Variants in SGK2 observed in about 807,000 individuals in gnomAD.
The protein encoded by SGK2 is serine/threonine-protein kinase Sgk2.
Under a neutral mutation model 47.5 loss-of-function variants are expected in SGK2, and 36 were observed. The observed-to-expected ratio is 0.76, with a 90% CI of 0.58 to 1.00. The LOEUF is 1.00. SGK2 is among the 50% of genes least tolerant of loss of function. The pLI is 0.00. For missense variants in SGK2, 404 were observed against 467.4 expected (o/e 0.86, Z 1.25); for synonymous variants, 157 against 181.9 (o/e 0.86, Z 1.10).
chr20:43,564,712 G>T (rs1026472707), intron 1 of SGK2: 1 of 152,466 alleles, frequency 6.6e-6, no homozygotes, highest in African/African-American at 2.4e-5. Context: ...ACCACACAGA[G>T]ACACGCTGAA....
At chr20:43,576,543 A>G (rs977619869) in intron 11 of SGK2, among the ~76,000 whole-genome samples, 164 bp downstream of exon 11, 1 of 152,254 alleles carries the variant, frequency 6.6e-6, no homozygotes, top group Non-Finnish European at 1.5e-5. Context: ...TACTTTCTCC[A>G]GTCTAGTTCT....
chr20:43,565,835 G>C (rs572962645), intron 1 of SGK2: 2 of 153,574 alleles, frequency 1.3e-5, no homozygotes, highest in Non-Finnish European at 2.9e-5. Flanking sequence ...GTTTGGCCCC[G>C]AATAGATATT....
chr20:43,567,509 G>A (rs891690654), intron 3 of SGK2, among the ~76,000 whole-genome samples, 156 bp from the exon 4 acceptor site: 1 of 152,190 alleles, frequency 6.6e-6, no homozygotes, highest in Non-Finnish European at 1.5e-5. Context: ...TTTCGGCTGG[G>A]AGAACATGGG....
intron 12 of SGK2, among the ~76,000 whole-genome samples, chr20:43,581,959 T>C (rs1455590626): frequency 6.6e-6 from 1 of 152,276 alleles, no homozygotes; most frequent in Non-Finnish European, 1.5e-5. Flanking sequence ...TATTGTTTTT[T>C]ACTTTGCAAA....
intron 6 of SGK2, 74 bp downstream of exon 6, chr20:43,569,590 A>C: frequency 1.3e-6 from 2 of 1,542,714 alleles, no homozygotes; most frequent in South Asian, 1.1e-5. Context: ...TGCCCACTGC[A>C]TGCCAAGTTC....
intron 1 of SGK2, among the ~76,000 whole-genome samples, chr20:43,562,610 G>A (rs190020746): frequency 6.6e-5 from 10 of 150,936 alleles, no homozygotes; most frequent in Admixed American, 4.0e-4. Context: ...GCGCAGTGGC[G>A]GGTGCCTGTA....
At position 43,585,337 on chromosome 20, in the gene SGK2, G is replaced by A. The variant is rs1981029094; in HGVS notation, c.*321G>A. ...TGGAGGAAAGGGGAGAAGAGCAAAGGGCGCTTTTAAAGAGCTTTCCCAAAA... is the reference window on the plus strand; with the variant it reads ...TGGAGGAAAGGGGAGAAGAGCAAAGAGCGCTTTTAAAGAGCTTTCCCAAAA... On this transcript the variant is annotated 3_prime_UTR_variant, in exon 13 of 13. Coordinates refer to ENST00000373100, the MANE Select transcript of SGK2 (RefSeq NM_170693.3). 5.3e-6 allele frequency: 1 copy of A among 189,868 alleles called. No individual in the cohort carries two copies. Among genetic ancestry groups the A allele is most frequent in the Non-Finnish European group, 1.1e-5 (1 of 89,636 alleles). 11.8% of individuals were successfully genotyped at this position (189,868 alleles called of 1,614,324 possible). A position where few individuals can be genotyped will look rare whatever the true frequency, so the allele number is the denominator to read the frequency against.
At chr20:43,575,576 A>G (rs1392470958) in intron 10 of SGK2, among the ~76,000 whole-genome samples, 2 of 151,818 alleles carry the variant, frequency 1.3e-5, no homozygotes, top group East Asian at 1.9e-4. Context: ...TATTTTGCTG[A>G]TAGGGAAATT....
intron 9 of SGK2, among the ~76,000 whole-genome samples, chr20:43,573,681 T>G (rs1439428192): frequency 6.6e-6 from 1 of 152,018 alleles, no homozygotes; most frequent in Middle Eastern, 3.2e-3. Flanking sequence ...TCCATATGCT[T>G]GAAAAGCTGG....
intron 10 of SGK2, 136 bp from the exon 11 acceptor site, chr20:43,576,088 C>T (rs1156930750): frequency 2.1e-5 from 21 of 981,512 alleles, no homozygotes; most frequent in African/African-American, 3.3e-5. Context: ...TGTCTCTTTC[C>T]AGTCTGCCAT....
chr20:43,568,386 C>T (rs1283244997), intron 5 of SGK2, among the ~76,000 whole-genome samples: 1 of 152,238 alleles, frequency 6.6e-6, no homozygotes, highest in Non-Finnish European at 1.5e-5. Flanking sequence ...TCACAGCTCA[C>T]TGCAGCCTCA....
At chr20:43,571,243 C>T (rs1980111784) in intron 8 of SGK2, among the ~76,000 whole-genome samples, 183 bp downstream of exon 8, 1 of 152,142 alleles carries the variant, frequency 6.6e-6, no homozygotes, top group Non-Finnish European at 1.5e-5. Context: ...TACATATGTG[C>T]ACATGAGACT....
At chr20:43,584,373 A>T (rs73907843) in intron 12 of SGK2, among the ~76,000 whole-genome samples, 3 of 152,190 alleles carry the variant, frequency 2.0e-5, no homozygotes, top group Admixed American at 2.0e-4. Flanking sequence ...ATTTGTGAAC[A>T]TTTTTGTAAT....
intron 3 of SGK2, 23 bp from the exon 4 acceptor site, chr20:43,567,642 C>A (rs757997793): frequency 6.2e-7 from 1 of 1,612,584 alleles, no homozygotes; most frequent in Non-Finnish European, 8.5e-7. Context: ...AATGCTGATC[C>A]GTGTTTTTCC....
At chr20:43,579,012 T>C (rs1414091694) in intron 11 of SGK2, among the ~76,000 whole-genome samples, 6 of 2,004 alleles carry the variant, frequency 3.0e-3, no homozygotes, top group African/African-American at 0.011. Flanking sequence ...TTTCGGAGGC[T>C]TTTTTTTTTT....
chr20:43,569,281 T>A, intron 5 of SGK2, 104 bp from the exon 6 acceptor site: 1 of 1,452,816 alleles, frequency 6.9e-7, no homozygotes, highest in Non-Finnish European at 9.4e-7. Context: ...CATGAGAAAG[T>A]CCTGGGTAGG....
rs75244791 is a variant in SGK2, at chr20:43,568,031, T to G, written c.228+32T>G. 1.7e-3 allele frequency: 2,688 copies of G among 1,588,278 alleles called. 47 individuals carry two copies. In the African/African-American group the frequency reaches 0.032, roughly 19 times the overall value. On this transcript the variant is annotated intron_variant, in intron 5 of 12. Transcript: ENST00000373100. ...GAGCTCGGGCACAGGCATTTCTTCT[T>G]CTGCTTCTCAAGCCGCAGCCTAGGG...
At chr20:43,573,210 C>A (rs1980247057) in intron 9 of SGK2, among the ~76,000 whole-genome samples, 2 of 152,194 alleles carry the variant, frequency 1.3e-5, no homozygotes, top group Admixed American at 6.5e-5. Flanking sequence ...TTCTTTGGGC[C>A]AGGCGTGGTG....
intron 1 of SGK2, among the ~76,000 whole-genome samples, chr20:43,564,062 A>G (rs942282367): frequency 1.1e-4 from 16 of 152,192 alleles, no homozygotes; most frequent in Non-Finnish European, 4.4e-5. Context: ...TGGGCCCATC[A>G]ACTCCTTTAT....
Sources: gnomAD v4.1 joint callset for allele counts (sites outside exome capture counted in the v4.1 genomes callset) on GRCh38, gnomAD v4.1.1 for gene constraint, MANE v1.5 for transcripts, NCBI Gene and HGNC (gene_info 2026-07-23, HGNC 2026-07-21) for gene names.